USP13: variants seen among roughly 807,000 people sequenced by gnomAD.
USP13 encodes the protein ubiquitin carboxyl-terminal hydrolase 13.
USP13 carries 68 observed loss-of-function variants against 107.8 expected under a neutral mutation model. The ratio of observed to expected loss-of-function variants is 0.63; its 90% CI spans 0.52 to 0.77. The LOEUF (loss-of-function observed/expected upper bound fraction) is 0.77. USP13 is among the 30% of genes least tolerant of loss of function. USP13 has a pLI of 0.00. For missense variants in USP13, 945 were observed against 1,093.3 expected, an observed-to-expected ratio of 0.86 and a Z score of 1.91; for synonymous variants, 377 against 389.5, an observed-to-expected ratio of 0.97 and a Z score of 0.38.
At position 179,745,207 on chromosome 3, in the gene USP13, G is replaced by A; in HGVS notation, c.1699G>A (p.Ala567Thr). Residue 567 changes from alanine to threonine, a missense_variant, in exon 13 of 21, where the codon GCG (alanine) becomes ACG (threonine). Physicochemically the swap from Ala to Thr is moderately conservative, Grantham distance 58. Transcript: ENST00000263966. ...GAGCAGTGCCCTACAAGCAAAGTCT[G>A]CGGGTGTGAAGTAAGTGTGTGTATA... ...FWSSALQAKS[A>T]GVKTSRFASF... 6.2e-7 allele frequency: 1 copy of A among 1,613,890 alleles called. No individual in the cohort carries two copies. Among genetic ancestry groups the A allele is most frequent in the Non-Finnish European group, 8.5e-7 (1 of 1,179,974 alleles).
chr3:179,757,071 G>T lies in USP13; in HGVS notation c.1941G>T (p.Leu647Phe). Residue 647 changes from leucine to phenylalanine, a missense_variant, in exon 16 of 21, where the codon TTG becomes TTT. Leu to Phe is a conservative substitution (Grantham distance 22). Coordinates refer to ENST00000263966, the MANE Select transcript of USP13 (RefSeq NM_003940.3). Reference sequence around the variant, plus strand: ...TTCCAGATCGCCTGATGAACCAATTGATAGACCGTATGTATCTTTAAAAAT... The same window carrying T: ...TTCCAGATCGCCTGATGAACCAATTTATAGACCGTATGTATCTTTAAAAAT... ...DDSKDRLMNQ[L>F]IDPSDIDESS... 6.2e-7 allele frequency: 1 copy of T among 1,613,952 alleles called. No individual in the cohort carries two copies. The highest frequency in any genetic ancestry group is 8.5e-7 in the Non-Finnish European group (1 of 1,179,868).
chr3:179,781,847 T>A, intron 20 of USP13, 24 bp downstream of exon 20: 1 of 1,595,560 alleles, frequency 6.3e-7, no homozygotes. Context: ...AGAAGGTAAA[T>A]GTTAGCTGTG....
At chr3:179,751,402 G>A (rs958382237) in intron 13 of USP13, among the ~76,000 whole-genome samples, 2 of 152,092 alleles carry the variant, frequency 1.3e-5, no homozygotes, top group Non-Finnish European at 2.9e-5. Flanking sequence ...ATTAAGTACC[G>A]CAGTATTTTA....
chr3:179,694,747 G>A lies in USP13; in HGVS notation c.355+4446G>A, dbSNP rs547162681. Among the ~76,000 whole-genome samples, 11 of 143,194 alleles carry A rather than the reference G, an allele frequency of 7.7e-5. No homozygotes were observed. The East Asian group carries it at 2.1e-3, about 27-fold the overall frequency. The allele number at this position is 143,194 out of a possible 152,430, so 93.9% of individuals were successfully genotyped here. On this transcript the variant is annotated intron_variant, in intron 3 of 20. Transcript: ENST00000263966. ...ACCTGGGAGGCGGAGGTTGCAGTGA[G>A]CTGAGATCGCACCATTGCACTCCAG...
chr3:179,760,601 G>T (rs980859316), intron 16 of USP13, among the ~76,000 whole-genome samples: 1 of 148,624 alleles, frequency 6.7e-6, no homozygotes, highest in African/African-American at 2.5e-5. Context: ...TTTTAAGCTT[G>T]TATAATTAAA....
At chr3:179,746,604 G>T (rs1714418141) in intron 13 of USP13, among the ~76,000 whole-genome samples, 1 of 151,974 alleles carries the variant, frequency 6.6e-6, no homozygotes, top group South Asian at 2.1e-4. Context: ...GGCTAGTTTT[G>T]TATTTTTAGT....
intron 8 of USP13, among the ~76,000 whole-genome samples, chr3:179,727,792 G>T (rs1713590541): frequency 2.0e-5 from 1 of 51,218 alleles, no homozygotes; most frequent in Admixed American, 2.1e-4. Flanking sequence ...GCTGGGCAGG[G>T]GGCTGACCCC....
At chr3:179,699,746 ATTTT>A (rs1402101451) in intron 3 of USP13, among the ~76,000 whole-genome samples, 21 of 113,476 alleles carry the variant, frequency 1.9e-4, no homozygotes, top group African/African-American at 6.4e-4. Context: ...TATCTTATTT[ATTTT>A]ATTTATTTAT....
intron 12 of USP13, 69 bp from the exon 13 acceptor site, chr3:179,744,974 A>G: frequency 1.9e-6 from 3 of 1,588,114 alleles, no homozygotes; most frequent in Non-Finnish European, 2.6e-6. Flanking sequence ...AAGACTGTCC[A>G]AAGAGGGTGC....
At chr3:179,662,789 G>A (rs1720490895) in intron 1 of USP13, among the ~76,000 whole-genome samples, 1 of 152,120 alleles carries the variant, frequency 6.6e-6, no homozygotes, top group African/African-American at 2.4e-5. Context: ...AAAAGTTCAT[G>A]TTCTCTGCTC....
In USP13 at chr3:179,678,976, T is replaced by G. The variant is rs1711557251; in HGVS notation, c.169-2902T>G. On this transcript the variant is annotated intron_variant, in intron 1 of 20. Transcript: ENST00000263966. This position sits in a 1 kb window ranked among gnomAD's most constrained non-coding sequence, Gnocchi z 4.2. ...TTCTTTCTTTGTGATCTTTATACCT[T>G]TTATTTATTTATTTATTTAGTTTGC... Among the ~76,000 whole-genome samples the G allele has an allele frequency of 6.6e-6, 1 of 152,126 alleles. No individual in the cohort carries two copies. Among genetic ancestry groups the G allele is most frequent in the Admixed American group, 6.5e-5 (1 of 15,274 alleles).
intron 1 of USP13, among the ~76,000 whole-genome samples, chr3:179,673,402 C>T (rs923620877): frequency 7.8e-4 from 2 of 2,558 alleles, no homozygotes; most frequent in Admixed American, 0.018. Context: ...GTTTTCCTGC[C>T]CCCCCTGCCC....
intron 10 of USP13, among the ~76,000 whole-genome samples, chr3:179,733,322 G>A (rs994104675): frequency 1.3e-5 from 2 of 152,172 alleles, no homozygotes; most frequent in African/African-American, 4.8e-5. Context: ...TCCAGCATCG[G>A]TAATATTTCT....
chr3:179,718,950 T>G (rs1312086172), intron 6 of USP13, among the ~76,000 whole-genome samples: 4 of 151,914 alleles, frequency 2.6e-5, no homozygotes, highest in African/African-American at 9.7e-5. Context: ...TAGAGACGGG[T>G]TTCACCATGT....
chr3:179,683,137 G>A (rs796526166), intron 2 of USP13, among the ~76,000 whole-genome samples: 86 of 148,144 alleles, frequency 5.8e-4, no homozygotes, highest in African/African-American at 2.1e-3. Flanking sequence ...TCTTATAAGT[G>A]TGATGAGTTA....
rs750765403 is a variant in USP13 at position 179,783,359 on chromosome 3, G to A, written c.2499-689G>A. Among the ~76,000 whole-genome samples, 5 of 152,046 alleles carry A rather than the reference G, an allele frequency of 3.3e-5. No individual in the cohort carries two copies. The East Asian group carries it at 7.7e-4, about 23-fold the overall frequency. Reference sequence around the variant, plus strand: ...ACATACTACATATAAATAAACACACGTATTTACAACTTAACTAAAAGCTTA... The same window carrying A: ...ACATACTACATATAAATAAACACACATATTTACAACTTAACTAAAAGCTTA... On this transcript the variant is annotated intron_variant, in intron 20 of 20. Coordinates refer to ENST00000263966, the MANE Select transcript of USP13 (RefSeq NM_003940.3).
chr3:179,746,578 C>T (rs1472106942), intron 13 of USP13, among the ~76,000 whole-genome samples: 1 of 151,822 alleles, frequency 6.6e-6, no homozygotes, highest in Non-Finnish European at 1.5e-5. Flanking sequence ...GATTACAGGC[C>T]TGTGCCACCA....
chr3:179,773,140 G>A (rs1175094031), intron 19 of USP13, among the ~76,000 whole-genome samples: 1 of 152,206 alleles, frequency 6.6e-6, no homozygotes, highest in African/African-American at 2.4e-5. Flanking sequence ...GGTCATGGGA[G>A]TGGATCCCTC....
At chr3:179,749,091 T>C (rs77446411) in intron 13 of USP13, among the ~76,000 whole-genome samples, 2,299 of 152,288 alleles carry the variant, frequency 0.015, 43 homozygotes, top group Middle Eastern at 0.061. Flanking sequence ...AGGAAGATTA[T>C]GGTTTTTTTT....
Sources: gnomAD v4.1 joint callset for allele counts (sites outside exome capture counted in the v4.1 genomes callset) on GRCh38, gnomAD v4.1.1 for gene constraint, Gnocchi (gnomAD v3.1) non-coding constraint, MANE v1.5 for transcripts, NCBI Gene and HGNC (gene_info 2026-07-23, HGNC 2026-07-21) for gene names.